The following STYX variants were observed in gnomAD, a reference collection of about 807,000 sequenced individuals.
The protein encoded by STYX is serine/threonine/tyrosine interacting protein.
In STYX, 20 loss-of-function variants were observed where a neutral mutation model predicts 42.7. The observed-to-expected ratio is 0.47, with a 90% CI of 0.33 to 0.68. The LOEUF is 0.68. Ranked by LOEUF, STYX falls within the 30% of genes least tolerant of loss-of-function variation. The pLI is 0.02. For missense variants in STYX, 226 were observed against 268.5 expected (o/e 0.84, Z 1.11); for synonymous variants, 78 against 81.9 (o/e 0.95, Z 0.26).
intron 4 of STYX, among the ~76,000 whole-genome samples, chr14:52,751,459 T>C (rs1881607476): frequency 6.6e-6 from 1 of 152,230 alleles, no homozygotes; most frequent in Non-Finnish European, 1.5e-5. Flanking sequence ...TTGCTGGATA[T>C]AAGAGTATGA....
At chr14:52,736,302 A>T (rs1880947485) in intron 1 of STYX, among the ~76,000 whole-genome samples, 1 of 152,178 alleles carries the variant, frequency 6.6e-6, no homozygotes, top group African/African-American at 2.4e-5. Context: ...TCAATTCCCC[A>T]GCTACTATGG....
chr14:52,744,523 T>C (rs1390539249), intron 1 of STYX, among the ~76,000 whole-genome samples: 1 of 152,246 alleles, frequency 6.6e-6, no homozygotes, highest in African/African-American at 2.4e-5. Flanking sequence ...ACAAAAAAAA[T>C]CTATTGGCAT....
At chr14:52,756,325 C>T (rs1173223888) in intron 4 of STYX, among the ~76,000 whole-genome samples, 8 of 152,126 alleles carry the variant, frequency 5.3e-5, no homozygotes, top group Admixed American at 5.2e-4. Flanking sequence ...TTGTGCCCAG[C>T]CTGATGGATT....
intron 10 of STYX, among the ~76,000 whole-genome samples, chr14:52,769,474 C>T (rs548138142): frequency 6.6e-6 from 1 of 152,196 alleles, no homozygotes; most frequent in South Asian, 2.1e-4. Context: ...AATCTTTGAA[C>T]CAACAGTTAT....
intron 9 of STYX, among the ~76,000 whole-genome samples, chr14:52,760,037 A>G (rs1882029235): frequency 6.6e-6 from 1 of 152,006 alleles, no homozygotes; most frequent in Non-Finnish European, 1.5e-5. Flanking sequence ...ATCTCTAAAA[A>G]ATAAAAAATT....
At chr14:52,756,449 T>G (rs1881869959) in intron 4 of STYX, 102 bp from the exon 5 acceptor site, 1 of 691,372 alleles carries the variant, frequency 1.4e-6, no homozygotes, top group African/African-American at 1.9e-5. Context: ...GAAAGTTGTT[T>G]TGCATTCTTG....
intron 3 of STYX, among the ~76,000 whole-genome samples, chr14:52,749,299 G>T (rs1881517959): frequency 6.6e-6 from 1 of 152,104 alleles, no homozygotes; most frequent in Non-Finnish European, 1.5e-5. Flanking sequence ...ACATCTTGGG[G>T]GTAAGGATTT....
rs1353928787 is a variant in STYX, at chr14:52,761,863, C to T, written c.504+2109C>T. 2.0e-5 allele frequency among the ~76,000 whole-genome samples: 3 copies of T among 149,586 alleles called. No homozygotes were observed. The East Asian group carries it at 6.3e-4, about 31-fold the overall frequency. The stretch of plus-strand genomic sequence containing the variant: ...AGTTTGAGACCAGCCTGGCCAACAT[C>T]GTGAAACCCTGTCTCTACTAAAATT... On this transcript the variant is annotated intron_variant, in intron 9 of 10. Coordinates refer to ENST00000354586, the MANE Select transcript of STYX (RefSeq NM_145251.4).
At chr14:52,753,376 G>A (rs1479378985) in intron 4 of STYX, among the ~76,000 whole-genome samples, 1 of 151,766 alleles carries the variant, frequency 6.6e-6, no homozygotes, top group African/African-American at 2.4e-5. Flanking sequence ...TAGTACAGAC[G>A]GGGTTTCACC....
intron 9 of STYX, among the ~76,000 whole-genome samples, chr14:52,767,670 C>A (rs1385131297): frequency 1.3e-5 from 2 of 152,066 alleles, no homozygotes; most frequent in Non-Finnish European, 2.9e-5. Context: ...TCCCAGGTTC[C>A]TTTGGTGGCA....
chr14:52,749,297 G>C (rs1448021388), intron 3 of STYX, among the ~76,000 whole-genome samples: 1 of 152,086 alleles, frequency 6.6e-6, no homozygotes, highest in South Asian at 2.1e-4. Context: ...TCACATCTTG[G>C]GGGTAAGGAT....
chr14:52,752,863 G>GT lies in STYX; in HGVS notation c.242+2092dup, dbSNP rs1312494685. ...GTATTTTTCTTTCGTTTTTAATTTT[G>GT]TTTTTTTTTGTTGTTGTTGTTTTTT... On this transcript the variant is annotated intron_variant, in intron 4 of 10. Coordinates refer to ENST00000354586, the MANE Select transcript of STYX (RefSeq NM_145251.4). Among the ~76,000 whole-genome samples the GT allele has an allele frequency of 4.7e-3, 647 of 139,002 alleles. 8 individuals carry two copies. The highest frequency in any genetic ancestry group is 0.015 in the African/African-American group (554 of 37,318). The allele number at this position is 139,002 out of a possible 152,430, so 91.2% of individuals were successfully genotyped here.
At chr14:52,746,769 C>G (rs1881411524) in intron 3 of STYX, among the ~76,000 whole-genome samples, 1 of 152,196 alleles carries the variant, frequency 6.6e-6, no homozygotes, top group Admixed American at 6.5e-5. Flanking sequence ...AAACACTAGA[C>G]ATCTGTAATT....
chr14:52,756,210 C>T (rs115156929), intron 4 of STYX, among the ~76,000 whole-genome samples: 1,672 of 152,212 alleles, frequency 0.011, 29 homozygotes, highest in African/African-American at 0.038. Context: ...GAGATGGAGT[C>T]TCCCTCTGTT....
intron 4 of STYX, 24 bp downstream of exon 4, chr14:52,750,804 TA>T: frequency 7.0e-7 from 1 of 1,427,238 alleles, no homozygotes. Flanking sequence ...CTATGATTTG[TA>T]AAACACTTAA....
At chr14:52,755,041 C>G (rs952009388) in intron 4 of STYX, among the ~76,000 whole-genome samples, 1 of 151,602 alleles carries the variant, frequency 6.6e-6, no homozygotes, top group African/African-American at 2.4e-5. Context: ...CAGTCATTGT[C>G]GAAATCCTTG....
At chr14:52,740,121 A>G (rs1881127037) in intron 1 of STYX, among the ~76,000 whole-genome samples, 1 of 152,150 alleles carries the variant, frequency 6.6e-6, no homozygotes, top group Admixed American at 6.5e-5. Flanking sequence ...TACTAAAAAT[A>G]CAAAAATTAG....
intron 8 of STYX, among the ~76,000 whole-genome samples, chr14:52,758,139 A>G (rs1411525746): frequency 1.3e-5 from 2 of 152,346 alleles, no homozygotes; most frequent in Admixed American, 6.5e-5. Context: ...ATGGAAAACT[A>G]CTTACCTACC....
At chr14:52,739,273 AT>A (rs1216271559) in intron 1 of STYX, among the ~76,000 whole-genome samples, 1 of 152,082 alleles carries the variant, frequency 6.6e-6, no homozygotes, top group Non-Finnish European at 1.5e-5. Context: ...TTACACAAGT[AT>A]TTCCCAGAAT....
Sources: allele counts gnomAD v4.1 joint callset (sites outside exome capture counted in the v4.1 genomes callset), GRCh38; gene constraint gnomAD v4.1.1; transcripts MANE v1.5; gene names NCBI Gene and HGNC (gene_info 2026-07-23, HGNC 2026-07-21).